NTN3: variants seen among roughly 807,000 people sequenced by gnomAD.
NTN3 encodes the protein netrin 3.
In NTN3, 44 loss-of-function variants were observed where a neutral mutation model predicts 37.2. That is an observed-to-expected ratio of 1.18 (90% CI 0.93 to 1.52). The LOEUF (loss-of-function observed/expected upper bound fraction) is 1.52, where lower values mean the gene tolerates loss of function less well. NTN3 is among the 40% of genes most tolerant of loss of function. The pLI is 0.00. For missense variants in NTN3, 882 were observed against 857.3 expected, an observed-to-expected ratio of 1.03 and a Z score of -0.36; for synonymous variants, 385 against 376.0, an observed-to-expected ratio of 1.02 and a Z score of -0.28.
chr16:2,473,973 G>C lies in NTN3; in HGVS notation c.1611G>C (p.Gly537=). Reference sequence around the variant, plus strand: ...GGGGCGGGCCTGGAGCCGCGGCTGGGGGCGCGGGGGGCCGGGGGCCCGGGC... The same window carrying C: ...GGGGCGGGCCTGGAGCCGCGGCTGGCGGCGCGGGGGGCCGGGGGCCCGGGC... ...LLGGGPGAAA[G]GAGGRGPGLI... The change falls in exon 6 of 6, where the codon GGG becomes GGC. Residue 537 remains glycine, a synonymous_variant. Transcript: ENST00000293973. 8.6e-7 allele frequency: 1 copy of C among 1,163,816 alleles called. No homozygotes were observed. Among genetic ancestry groups the C allele is most frequent in the African/African-American group, 1.6e-5 (1 of 61,786 alleles). The allele number at this position is 1,163,816 out of a possible 1,614,324, so 72.1% of individuals were successfully genotyped here. A position where few individuals can be genotyped will look rare whatever the true frequency, so the allele number is the denominator to read the frequency against.
chr16:2,472,070 C>A lies in NTN3; in HGVS notation c.369C>A (p.Arg123=). The change falls in exon 1 of 6, where the codon CGC becomes CGA. Residue 123 remains arginine (R), a synonymous_variant. Coordinates refer to ENST00000293973, the MANE Select transcript of NTN3 (RefSeq NM_006181.3). The part of the protein sequence containing the change: ...KAFELVFVSL[R]FCSAPPASVA... ...TTGAGCTGGTCTTCGTGAGCCTGCG[C>A]TTCTGCTCAGCTCCCCCAGCCTCCG... 6.2e-7 allele frequency: 1 copy of A among 1,607,918 alleles called. No individual in the cohort carries two copies. The highest frequency in any genetic ancestry group is 2.2e-5 in the East Asian group (1 of 44,808).
rs1386248210 is a variant in NTN3, at chr16:2,472,802, A to T, written c.1030A>T (p.Asn344Tyr). ...GGGTGTCTGTCTCAACTGCCGGCAC[A>T]ACACCGCCGGCCGCCACTGCCACTA... The part of the protein sequence containing the change: ...SGGVCLNCRH[N>Y]TAGRHCHYCR... The change falls in exon 2 of 6, where the codon AAC (asparagine) becomes TAC (tyrosine). Residue 344 changes from asparagine (N) to tyrosine (Y), a missense_variant. By Grantham distance (143) the Asn-to-Tyr change is moderately radical. Coordinates refer to ENST00000293973, the MANE Select transcript of NTN3 (RefSeq NM_006181.3). 6.2e-7 allele frequency: 1 copy of T among 1,606,938 alleles called. No homozygotes were observed. The highest frequency in any genetic ancestry group is 1.7e-5 in the Admixed American group (1 of 59,750).
rs1386109573 is a variant in NTN3, at chr16:2,471,875, G to T, written c.174G>T (p.Thr58=). 6.8e-7 allele frequency: 1 copy of T among 1,471,062 alleles called. No homozygotes were observed. The highest frequency in any genetic ancestry group is 1.4e-5 in the African/African-American group (1 of 70,662). 91.1% of individuals were successfully genotyped at this position (1,471,062 alleles called of 1,614,324 possible). Reference sequence around the variant, plus strand: ...GCCGCGAGGTGCTGGCTTCCAGCACGTGCGGGCGGCCGGCCACTCGGGCCT... The same window carrying T: ...GCCGCGAGGTGCTGGCTTCCAGCACTTGCGGGCGGCCGGCCACTCGGGCCT... The part of the protein sequence containing the change: ...ALGREVLASS[T]CGRPATRACD... Residue 58 remains threonine, a synonymous_variant, in exon 1 of 6, where the codon ACG becomes ACT. Coordinates refer to ENST00000293973, the MANE Select transcript of NTN3 (RefSeq NM_006181.3).
In NTN3 at chr16:2,473,436, C is replaced by G. The variant is rs1486710442; in HGVS notation, c.1326C>G (p.Asp442Glu). The G allele has an allele frequency of 1.9e-6, 3 of 1,612,914 alleles. No individual in the cohort carries two copies. Among genetic ancestry groups the G allele is most frequent in the South Asian group, 2.2e-5 (2 of 91,092 alleles). Residue 442 changes from aspartate to glutamate, a missense_variant, in exon 5 of 6, where the codon GAC (aspartate) becomes GAG (glutamate). By Grantham distance (45) the Asp-to-Glu change is conservative. Coordinates refer to ENST00000293973, the MANE Select transcript of NTN3 (RefSeq NM_006181.3). ...CTCCCACCTTCTACCCAGACTGTGA[C>G]TCGCACTGCAAACCTGCCCGTGGCA... ...DSSPVQPQDC[D>E]SHCKPARGSY... is the part of the protein sequence containing the mutation.
rs2065528135 is a variant in NTN3, at chr16:2,472,550, T to C, written c.849T>C (p.Pro283=). The C allele has an allele frequency of 6.2e-7, 1 of 1,605,434 alleles. No homozygotes were observed. Residue 283 remains proline, a synonymous_variant, in exon 1 of 6, where the codon CCT becomes CCC. Coordinates refer to ENST00000293973, the MANE Select transcript of NTN3 (RefSeq NM_006181.3). Reference sequence around the variant, plus strand: ...ACTGTCGGCATGGCACCGAGGGCCCTGACTGCGGCCGCTGCAAGCCCTTCT... The same window carrying C: ...ACTGTCGGCATGGCACCGAGGGCCCCGACTGCGGCCGCTGCAAGCCCTTCT... ...ICDCRHGTEG[P]DCGRCKPFYC...
Position 2,472,645 on chromosome 16 carries a change from G to C in NTN3, c.928+16G>C, listed in dbSNP as rs2065528814. The C allele has an allele frequency of 6.3e-7, 1 of 1,599,268 alleles. No individual in the cohort carries two copies. The highest frequency in any genetic ancestry group is 1.3e-5 in the African/African-American group (1 of 74,588). ...GCCTGCCTCGGTGAGGCCTTGGAGG[G>C]TGGCCTGGGGACCTTGGACACAACC... On this transcript the variant is annotated intron_variant, in intron 1 of 5. Coordinates refer to ENST00000293973, the MANE Select transcript of NTN3 (RefSeq NM_006181.3).
rs1463278924 is a variant in NTN3 at position 2,471,808 on chromosome 16, C to T, written c.107C>T (p.Ala36Val). Residue 36 changes from alanine to valine, a missense_variant, in exon 1 of 6, where the codon GCG (alanine) becomes GTG (valine). Transcript: ENST00000293973. ...PADPCHDEGG[A>V]PRGCVPGLVN... ...GACCCCTGCCACGATGAGGGGGGTG[C>T]GCCCCGCGGCTGCGTGCCAGGACTG... 4 of 1,390,282 alleles carry T rather than the reference C, an allele frequency of 2.9e-6. No individual in the cohort carries two copies. The highest frequency in any genetic ancestry group is 3.7e-6 in the Non-Finnish European group (4 of 1,081,268). 86.1% of individuals were successfully genotyped at this position (1,390,282 alleles called of 1,614,324 possible). A position where few individuals can be genotyped will look rare whatever the true frequency, so the allele number is the denominator to read the frequency against.
Position 2,472,835 on chromosome 16 carries a change from G to C in NTN3, c.1063G>C (p.Glu355Gln). 1 of 1,609,352 alleles carries C rather than the reference G, an allele frequency of 6.2e-7. No homozygotes were observed. The highest frequency in any genetic ancestry group is 2.2e-5 in the East Asian group (1 of 44,866). ...CGGCCGCCACTGCCACTACTGCCGG[G>C]AGGGCTTCTATCGAGACCCTGGCCG... ...TAGRHCHYCR[E>Q]GFYRDPGRAL... is the part of the protein sequence containing the mutation. Residue 355 changes from glutamate (E) to glutamine (Q), a missense_variant, in exon 2 of 6, where the codon GAG becomes CAG. Coordinates refer to ENST00000293973, the MANE Select transcript of NTN3 (RefSeq NM_006181.3).
rs1567400426 is a variant in NTN3 at position 2,473,042 on chromosome 16, A to G, written c.1175A>G (p.Gln392Arg). The change falls in exon 3 of 6, where the codon CAG (glutamine) becomes CGG (arginine). Residue 392 changes from glutamine (Q) to arginine (R), a missense_variant. Transcript: ENST00000293973. ...AGKTCNQTTG[Q>R]CPCKDGVTGL... ...AAGACCTGCAACCAGACCACAGGCC[A>G]GTGTCCCTGCAAGGATGGCGTCACT... The G allele has an allele frequency of 1.9e-6, 3 of 1,611,418 alleles. No homozygotes were observed. The highest frequency in any genetic ancestry group is 1.7e-6 in the Non-Finnish European group (2 of 1,179,404).
rs933162333 is a variant in NTN3, at chr16:2,471,340, C to G, written c.-362C>G. Among the ~76,000 whole-genome samples, 2 of 152,166 alleles carry G rather than the reference C, an allele frequency of 1.3e-5. No individual in the cohort carries two copies. Among genetic ancestry groups the G allele is most frequent in the East Asian group, 1.9e-4 (1 of 5,160 alleles). On this transcript the variant is annotated 5_prime_UTR_variant, in exon 1 of 6. Coordinates refer to ENST00000293973, the MANE Select transcript of NTN3 (RefSeq NM_006181.3). Reference sequence around the variant, plus strand: ...CTGCAGCCGGGAGGAGGCGGCGGCCCGTGCACCGCAGGCCCCGCCCGCCCA... The same window carrying G: ...CTGCAGCCGGGAGGAGGCGGCGGCCGGTGCACCGCAGGCCCCGCCCGCCCA...
chr16:2,473,933 G>A lies in NTN3; in HGVS notation c.1571G>A (p.Arg524His), dbSNP rs1185178507. 5 of 1,180,408 alleles carry A rather than the reference G, an allele frequency of 4.2e-6. No homozygotes were observed. In the East Asian group the frequency reaches 1.9e-4, roughly 44 times the overall value. The allele number at this position is 1,180,408 out of a possible 1,614,324, so 73.1% of individuals were successfully genotyped here. A position where few individuals can be genotyped will look rare whatever the true frequency, so the allele number is the denominator to read the frequency against. ...CGCPRLLPGRRYLLLGGGPGA... is the reference protein window; with the variant it reads ...CGCPRLLPGRHYLLLGGGPGA... ...TGCCCGCGCCTGCTCCCCGGCCGCC[G>A]CTACCTCCTGCTGGGGGGCGGGCCT... Residue 524 changes from arginine (R) to histidine (H), a missense_variant, in exon 6 of 6, where the codon CGC becomes CAC. Transcript: ENST00000293973.
rs745543860 is a variant in NTN3 at position 2,472,556 on chromosome 16, C to T, written c.855C>T (p.Cys285=). The change falls in exon 1 of 6, where the codon TGC becomes TGT. Residue 285 remains cysteine (C), a synonymous_variant. Coordinates refer to ENST00000293973, the MANE Select transcript of NTN3 (RefSeq NM_006181.3). The stretch of plus-strand genomic sequence containing the variant: ...GGCATGGCACCGAGGGCCCTGACTG[C>T]GGCCGCTGCAAGCCCTTCTACTGCG... ...DCRHGTEGPD[C]GRCKPFYCDR... is the part of the protein sequence containing the mutation. The T allele has an allele frequency of 6.9e-6, 11 of 1,604,464 alleles. No homozygotes were observed. Among genetic ancestry groups the T allele is most frequent in the African/African-American group, 2.7e-5 (2 of 74,876 alleles).
rs1193789530 is a variant in NTN3, at chr16:2,472,125, C to T, written c.424C>T (p.Arg142Cys). The change falls in exon 1 of 6, where the codon CGC (arginine) becomes TGC (cysteine). Residue 142 changes from arginine (R) to cysteine (C), a missense_variant. Transcript: ENST00000293973. Reference protein sequence around the residue: ...VALLKSQDHGRSWAPLGFFSS... With the variant: ...VALLKSQDHGCSWAPLGFFSS... ...CCTGCTCAAGTCTCAGGACCATGGC[C>T]GCAGCTGGGCCCCGCTGGGCTTCTT... The T allele has an allele frequency of 3.7e-6, 6 of 1,608,174 alleles. No individual in the cohort carries two copies. The highest frequency in any genetic ancestry group is 1.7e-4 in the Middle Eastern group (1 of 6,052).
rs528438821 is a variant in NTN3 at position 2,471,433 on chromosome 16, T to C, written c.-269T>C. On this transcript the variant is annotated 5_prime_UTR_variant, in exon 1 of 6. Coordinates refer to ENST00000293973, the MANE Select transcript of NTN3 (RefSeq NM_006181.3). ...TCGGTGGGTGAGTGCGAGCGGCGGG[T>C]GGGGCCTCCGCGGGCGGAGGCACCG... 2 of 312,398 alleles carry C rather than the reference T, an allele frequency of 6.4e-6. No homozygotes were observed. Among genetic ancestry groups the C allele is most frequent in the Non-Finnish European group, 1.2e-5 (2 of 171,204 alleles). 19.4% of individuals were successfully genotyped at this position (312,398 alleles called of 1,614,324 possible).
intron 5 of NTN3, 91 bp from the exon 6 acceptor site, chr16:2,473,665 C>A: frequency 7.8e-7 from 1 of 1,288,288 alleles, no homozygotes; most frequent in East Asian, 2.5e-5. Context: ...CCCTTCAGCC[C>A]CCACTGCCCT....
At chr16:2,473,213 C>A in intron 3 of NTN3, 55 bp from the exon 4 acceptor site, 1 of 1,603,902 alleles carries the variant, frequency 6.2e-7, no homozygotes, top group Non-Finnish European at 8.5e-7. Flanking sequence ...ATTCCCCGAG[C>A]CCTGCAGATC....
chr16:2,472,190 C>A lies in NTN3; in HGVS notation c.489C>A (p.Ala163=), dbSNP rs752272014. ...HCDLDYGRLP[A]PANGPAGPGP... is the part of the protein sequence containing the mutation. ...ACCTGGACTATGGCCGTCTGCCTGC[C>A]CCTGCCAATGGCCCAGCTGGCCCAG... is the stretch of plus-strand genomic sequence containing the variant. Residue 163 remains alanine (A), a synonymous_variant, in exon 1 of 6, where the codon GCC becomes GCA. Coordinates refer to ENST00000293973, the MANE Select transcript of NTN3 (RefSeq NM_006181.3). 6 of 1,609,064 alleles carry A rather than the reference C, an allele frequency of 3.7e-6. No individual in the cohort carries two copies. The Admixed American group carries it at 1.0e-4, about 27-fold the overall frequency.
chr16:2,474,090 C>G lies in NTN3; in HGVS notation c.1728C>G (p.Arg576=), dbSNP rs1826728505. The G allele has an allele frequency of 8.3e-7, 1 of 1,207,618 alleles. No individual in the cohort carries two copies. The highest frequency in any genetic ancestry group is 1.6e-5 in the African/African-American group (1 of 63,346). The allele number at this position is 1,207,618 out of a possible 1,614,324, so 74.8% of individuals were successfully genotyped here. A position where few individuals can be genotyped will look rare whatever the true frequency, so the allele number is the denominator to read the frequency against. ...TGCAGCGACGCGAACGGCGGGGGCG[C>G]TGCAGCGCCGCCTGAGCCCGCCGGC... The part of the protein sequence containing the change: ...RRLQRRERRG[R]CSAA The change falls in exon 6 of 6, where the codon CGC becomes CGG. Residue 576 remains arginine (R), a synonymous_variant. Coordinates refer to ENST00000293973, the MANE Select transcript of NTN3 (RefSeq NM_006181.3).
rs2065527283 is a variant in NTN3, at chr16:2,472,441, C to T, written c.740C>T (p.Thr247Ile). Residue 247 changes from threonine to isoleucine, a missense_variant, in exon 1 of 6, where the codon ACC becomes ATC. Physicochemically the swap from Thr to Ile is moderately conservative, Grantham distance 89 (BLOSUM62 -1). Transcript: ENST00000293973. ...EAVVPYSYAA[T>I]DLQVGGRCKC... ...GTCGTCCCTTACTCCTACGCAGCCA[C>T]CGACCTCCAGGTGGGCGGGCGCTGC... The T allele has an allele frequency of 1.3e-6, 2 of 1,596,622 alleles. No homozygotes were observed. Among genetic ancestry groups the T allele is most frequent in the Admixed American group, 1.7e-5 (1 of 59,902 alleles).
Sources: allele counts gnomAD v4.1 joint callset (sites outside exome capture counted in the v4.1 genomes callset), GRCh38; gene constraint gnomAD v4.1.1; transcripts MANE v1.5; gene names NCBI Gene and HGNC (gene_info 2026-07-23, HGNC 2026-07-21).